The following ATM variants were observed in gnomAD, a reference collection of about 807,000 sequenced individuals.
ATM encodes the protein serine-protein kinase ATM.
A neutral mutation model predicts 387.0 loss-of-function variants in ATM; 308 were observed. The ratio of observed to expected loss-of-function variants is 0.80; its 90% CI spans 0.73 to 0.87. The LOEUF is 0.87. Among genes scored for constraint, ATM ranks in the 40% least tolerant of loss-of-function variants. The pLI, the probability that ATM is intolerant of heterozygous loss-of-function variation, is 0.00. For synonymous variants in ATM, 1,156 were observed against 1,187.3 expected (o/e 0.97, Z 0.54); for missense variants, 3,312 against 3,560.9 (o/e 0.93, Z 1.78).
chr11:108,312,293 T>G (rs2084231859), intron 39 of ATM, 118 bp from the exon 40 acceptor site: 2 of 757,950 alleles, frequency 2.6e-6, no homozygotes, highest in South Asian at 1.5e-5. Context: ...TATAAGTGAT[T>G]TATTCTGTTT....
At chr11:108,226,008 ATT>A (rs774707393) in intron 1 of ATM, 14 of 152,110 alleles carry the variant, frequency 9.2e-5, no homozygotes, top group Non-Finnish European at 1.3e-4. Flanking sequence ...AGATATAGTT[ATT>A]TGTAGGTATA....
Position 108,289,837 on chromosome 11 carries a change from T to C in ATM, c.4436+36T>C, listed in dbSNP as rs752794008. 9 of 1,575,640 alleles carry C rather than the reference T, an allele frequency of 5.7e-6. No homozygotes were observed. In the African/African-American group the frequency reaches 1.1e-4, roughly 19 times the overall value. On this transcript the variant is annotated intron_variant, in intron 29 of 62. Transcript: ENST00000675843. Reference sequence around the variant, plus strand: ...TATTTAGACCAATATATAAGCAGTCTTTCTATCCTGTTCTTCCTGTTTTTT... The same window carrying C: ...TATTTAGACCAATATATAAGCAGTCCTTCTATCCTGTTCTTCCTGTTTTTT...
intron 52 of ATM, 40 bp downstream of exon 52, chr11:108,332,077 A>G (rs968158978): frequency 2.5e-6 from 4 of 1,606,548 alleles, no homozygotes; most frequent in Non-Finnish European, 8.5e-7. Flanking sequence ...GAAGTGTGAT[A>G]TTCAGTCTTT....
intron 56 of ATM, chr11:108,340,509 A>G (rs1029418375): frequency 5.9e-5 from 9 of 152,196 alleles, no homozygotes; most frequent in Admixed American, 2.0e-4. Context: ...TGTCTATTCC[A>G]TCAGCAAGTC....
intron 25 of ATM, among the ~76,000 whole-genome samples, chr11:108,283,237 A>G (rs2082326965): frequency 6.6e-6 from 1 of 152,236 alleles, no homozygotes; most frequent in Non-Finnish European, 1.5e-5. Context: ...AAAATTGAAG[A>G]TAAATTACTA....
chr11:108,349,456 A>G (rs1437007673), intron 59 of ATM, among the ~76,000 whole-genome samples: 1 of 152,184 alleles, frequency 6.6e-6, no homozygotes, highest in Non-Finnish European at 1.5e-5. Flanking sequence ...CGAGGTCAGG[A>G]GATTGAGACC....
rs199709393 is a variant in ATM, at chr11:108,356,992, G to A, written c.8850+2118G>A. Among the ~76,000 whole-genome samples the A allele has an allele frequency of 2.5e-4, 38 of 152,350 alleles. No homozygotes were observed. The East Asian group carries it at 5.8e-3, about 23-fold the overall frequency. On this transcript the variant is annotated intron_variant, in intron 61 of 62. Coordinates refer to ENST00000675843, the MANE Select transcript of ATM (RefSeq NM_000051.4). ...CCGGTATACAGCTCCCAGCGTGAGC[G>A]ATGCAGAAGACAGGTGATTTCTGCA...
At chr11:108,339,635 C>G (rs1158033281) in intron 56 of ATM, among the ~76,000 whole-genome samples, 2 of 152,100 alleles carry the variant, frequency 1.3e-5, no homozygotes, top group South Asian at 2.1e-4. Flanking sequence ...TCAGCTCTTT[C>G]TCCAACAACC....
intron 36 of ATM, 103 bp downstream of exon 36, chr11:108,303,132 C>G: frequency 8.6e-7 from 1 of 1,169,224 alleles, no homozygotes; most frequent in South Asian, 1.4e-5. Context: ...CACCCCCACT[C>G]AAACTGTTGT....
At chr11:108,233,569 CAAAAAAAA>C (rs531411723) in intron 4 of ATM, among the ~76,000 whole-genome samples, 1 of 50,922 alleles carries the variant, frequency 2.0e-5, no homozygotes, top group African/African-American at 7.1e-5. Flanking sequence ...ATCCTGTGTC[CAAAAAAAA>C]AAAAAAAAAA....
rs1555135939 is a variant in ATM at position 108,343,385 on chromosome 11, A to C, written c.8418+14A>C. Reference sequence around the variant, plus strand: ...AAGAAAATGATGGTGAGTGACACCCAAAATTAAAGGTTATTGTAAGATTAT... The same window carrying C: ...AAGAAAATGATGGTGAGTGACACCCCAAATTAAAGGTTATTGTAAGATTAT... On this transcript the variant is annotated intron_variant, in intron 57 of 62. Transcript: ENST00000675843. 1 of 1,613,610 alleles carries C rather than the reference A, an allele frequency of 6.2e-7. No individual in the cohort carries two copies. The highest frequency in any genetic ancestry group is 8.5e-7 in the Non-Finnish European group (1 of 1,179,600).
intron 56 of ATM, among the ~76,000 whole-genome samples, chr11:108,342,651 T>C (rs1048044843): frequency 6.6e-6 from 1 of 152,214 alleles, no homozygotes; most frequent in African/African-American, 2.4e-5. Flanking sequence ...AAAGGGTATC[T>C]GTTAATATCA....
intron 40 of ATM, among the ~76,000 whole-genome samples, chr11:108,315,572 G>C (rs745575499): frequency 2.6e-5 from 4 of 151,446 alleles, no homozygotes; most frequent in Non-Finnish European, 5.9e-5. Flanking sequence ...TTCAAATTGT[G>C]GCAAACCTCC....
In ATM at chr11:108,331,664, T is replaced by G. The variant is rs573822629; in HGVS notation, c.7629+107T>G. 7.7e-4 allele frequency: 1,073 copies of G among 1,387,072 alleles called. 2 individuals carry two copies. The highest frequency in any genetic ancestry group is 1.9e-3 in the South Asian group (130 of 69,298). The allele number at this position is 1,387,072 out of a possible 1,614,324, so 85.9% of individuals were successfully genotyped here. A position where few individuals can be genotyped will look rare whatever the true frequency, so the allele number is the denominator to read the frequency against. Reference sequence around the variant, plus strand: ...CCCTCTAAGAAATGGAAATACAAAATTTTGTATTTTTTGTCTTCTCACATC... The same window carrying G: ...CCCTCTAAGAAATGGAAATACAAAAGTTTGTATTTTTTGTCTTCTCACATC... On this transcript the variant is annotated intron_variant, in intron 51 of 62. Coordinates refer to ENST00000675843, the MANE Select transcript of ATM (RefSeq NM_000051.4).
chr11:108,303,485 C>T (rs754219478), intron 36 of ATM, among the ~76,000 whole-genome samples: 3 of 152,076 alleles, frequency 2.0e-5, no homozygotes, highest in Non-Finnish European at 4.4e-5. Context: ...AAAGTTTGTA[C>T]TCTTCCATCA....
At chr11:108,244,178 T>C in intron 6 of ATM, 60 bp downstream of exon 6, 1 of 1,577,482 alleles carries the variant, frequency 6.3e-7, no homozygotes, top group Non-Finnish European at 8.7e-7. Context: ...TGCAAGACCA[T>C]GTTTTAGACT....
At chr11:108,325,257 T>TTG (rs1249514394) in intron 45 of ATM, 53 bp from the exon 46 acceptor site, 1 of 1,035,862 alleles carries the variant, frequency 9.7e-7, no homozygotes, top group African/African-American at 1.7e-5. Context: ...TAGTTTTTTT[T>TTG]TTTTTTTTTT....
intron 49 of ATM, 53 bp from the exon 50 acceptor site, chr11:108,330,161 A>G (rs1236741695): frequency 6.4e-7 from 1 of 1,559,308 alleles, no homozygotes; most frequent in Non-Finnish European, 8.8e-7. Flanking sequence ...GTGATTTTGT[A>G]GTTCTGTTAA....
intron 56 of ATM, among the ~76,000 whole-genome samples, chr11:108,339,591 G>T (rs1565550814): frequency 6.6e-6 from 1 of 152,024 alleles, no homozygotes; most frequent in African/African-American, 2.4e-5. Context: ...TAGTACCAGA[G>T]AAAACACTGT....
Sources: gnomAD v4.1 joint callset for allele counts (sites outside exome capture counted in the v4.1 genomes callset) on GRCh38, gnomAD v4.1.1 for gene constraint, MANE v1.5 for transcripts, NCBI Gene and HGNC (gene_info 2026-07-23, HGNC 2026-07-21) for gene names.